The following TRAP1 variants were observed in gnomAD, a reference collection of about 807,000 sequenced individuals.
TRAP1 encodes the protein heat shock protein 75 kDa, mitochondrial.
TRAP1 carries 102 observed loss-of-function variants against 89.1 expected under a neutral mutation model. That is an observed-to-expected ratio of 1.15 (90% CI 0.98 to 1.35). The LOEUF is 1.35. Ranked by LOEUF, TRAP1 falls within the 40% of genes most tolerant of loss-of-function variation. The pLI is 0.00. For missense variants in TRAP1, 1,256 were observed against 945.3 expected (o/e 1.33, Z -4.31); for synonymous variants, 508 against 388.0 (o/e 1.31, Z -3.64).
At chr16:3,702,324 T>A (rs1263375395) in intron 1 of TRAP1, among the ~76,000 whole-genome samples, 1 of 151,312 alleles carries the variant, frequency 6.6e-6, no homozygotes, top group East Asian at 1.9e-4. Flanking sequence ...ACAGACAAGG[T>A]CCTATGCTCG....
At chr16:3,688,454 G>A (rs930270879) in intron 3 of TRAP1, among the ~76,000 whole-genome samples, 3 of 152,066 alleles carry the variant, frequency 2.0e-5, no homozygotes, top group East Asian at 1.9e-4. Context: ...CCACAGAGAC[G>A]GAATTCAGCA....
chr16:3,679,268 C>G (rs1413494611), intron 5 of TRAP1, among the ~76,000 whole-genome samples: 4 of 151,864 alleles, frequency 2.6e-5, no homozygotes, highest in Admixed American at 6.6e-5. Flanking sequence ...TCTACGGGTT[C>G]CACATTTGCA....
chr16:3,667,070 C>T (rs912294857), intron 11 of TRAP1, among the ~76,000 whole-genome samples: 6 of 152,120 alleles, frequency 3.9e-5, no homozygotes, highest in Admixed American at 3.3e-4. Flanking sequence ...GACATGCCTT[C>T]GTGCCTGGGA....
chr16:3,715,875 G>T (rs893078264), intron 1 of TRAP1, among the ~76,000 whole-genome samples: 2 of 152,108 alleles, frequency 1.3e-5, no homozygotes, highest in Non-Finnish European at 2.9e-5. Context: ...TATTATTTTT[G>T]TTGTTGAGAT....
At position 3,670,104 on chromosome 16, in the gene TRAP1, C is replaced by G. The variant is rs537925400; in HGVS notation, c.1235+1618G>C. Among the ~76,000 whole-genome samples, 22 of 151,948 alleles carry G rather than the reference C, an allele frequency of 1.4e-4. No homozygotes were observed. In the South Asian group the frequency reaches 4.4e-3, roughly 30 times the overall value. Reference sequence around the variant, plus strand: ...AATTGCATGAAAAACAAAAACAGGCCGGGCGCAGTGGCTCAAACCCGTAAT... The same window carrying G: ...AATTGCATGAAAAACAAAAACAGGCGGGGCGCAGTGGCTCAAACCCGTAAT... On this transcript the variant is annotated intron_variant, in intron 11 of 17. Transcript: ENST00000246957.
intron 1 of TRAP1, among the ~76,000 whole-genome samples, chr16:3,698,239 C>T (rs1185120133): frequency 2.6e-5 from 4 of 151,642 alleles, no homozygotes; most frequent in Admixed American, 6.6e-5. Flanking sequence ...AGTATCATAA[C>T]GCCAAGATTA....
rs763357693 is a variant in TRAP1 at position 3,691,025 on chromosome 16, G to A, written c.89-40C>T. ...ATGCAGAAAGAATGAGAATTAGGAA[G>A]ACACGAGAAACAATATGGTAATTCG... On this transcript the variant is annotated intron_variant, in intron 1 of 17. Coordinates refer to ENST00000246957, the MANE Select transcript of TRAP1 (RefSeq NM_016292.3). The A allele has an allele frequency of 4.9e-6, 7 of 1,422,618 alleles. No homozygotes were observed. The South Asian group carries it at 9.4e-5, about 19-fold the overall frequency. The allele number at this position is 1,422,618 out of a possible 1,614,324, so 88.1% of individuals were successfully genotyped here. A position where few individuals can be genotyped will look rare whatever the true frequency, so the allele number is the denominator to read the frequency against.
chr16:3,677,439 C>G, intron 6 of TRAP1, 59 bp downstream of exon 6: 1 of 1,608,102 alleles, frequency 6.2e-7, no homozygotes, highest in Non-Finnish European at 8.5e-7. Flanking sequence ...TTTCCAAACT[C>G]CATGCTAAGG....
rs149259625 is a variant in TRAP1 at position 3,712,017 on chromosome 16, G to A, written c.88+5404C>T. Among the ~76,000 whole-genome samples, 54 of 152,034 alleles carry A rather than the reference G, an allele frequency of 3.6e-4. No homozygotes were observed. The East Asian group carries it at 8.9e-3, about 25-fold the overall frequency. ...ATCAAGATTCTTTGTCAGGCCCGAC[G>A]TGGTAGCTCATGTCTGTAATCCCAG... On this transcript the variant is annotated intron_variant, in intron 1 of 17. Transcript: ENST00000246957.
chr16:3,676,133 A>T lies in TRAP1; in HGVS notation c.717T>A (p.Phe239Leu). ...YQWLSDGSGV[F>L]EIAEASGVRT... Reference sequence around the variant, plus strand: ...TAACTCCCGAAGCTTCGGCGATTTCAAACACTCCAGAACTAAGGCAGGCAA... The same window carrying T: ...TAACTCCCGAAGCTTCGGCGATTTCTAACACTCCAGAACTAAGGCAGGCAA... The change falls in exon 7 of 18, where the codon TTT (phenylalanine) becomes TTA (leucine). Residue 239 changes from phenylalanine to leucine, a missense_variant. By Grantham distance (22) the Phe-to-Leu change is conservative (BLOSUM62 0). Transcript: ENST00000246957. The T allele has an allele frequency of 6.2e-7, 1 of 1,613,810 alleles. No homozygotes were observed. The highest frequency in any genetic ancestry group is 8.5e-7 in the Non-Finnish European group (1 of 1,179,850).
At chr16:3,672,644 TG>T in intron 10 of TRAP1, 55 bp downstream of exon 10, 1 of 1,556,620 alleles carries the variant, frequency 6.4e-7, no homozygotes, top group Non-Finnish European at 8.7e-7. Context: ...CCCTCACAGA[TG>T]CAGCGGGCGA....
Position 3,677,447 on chromosome 16 carries a change from A to C in TRAP1, c.704+51T>G, listed in dbSNP as rs1444022146. ...CCATCCCTTTCCAAACTCCATGCTAAGGGCTCCAGCTCAGCTTTGAGCTGC... is the reference window on the plus strand; with the variant it reads ...CCATCCCTTTCCAAACTCCATGCTACGGGCTCCAGCTCAGCTTTGAGCTGC... On this transcript the variant is annotated intron_variant, in intron 6 of 17. Transcript: ENST00000246957. 2.5e-6 allele frequency: 4 copies of C among 1,612,274 alleles called. No homozygotes were observed. The African/African-American group carries it at 4.0e-5, about 16-fold the overall frequency.
intron 1 of TRAP1, among the ~76,000 whole-genome samples, chr16:3,716,918 C>T (rs923115067): frequency 6.6e-6 from 1 of 152,228 alleles, no homozygotes; most frequent in African/African-American, 2.4e-5. Context: ...CGGCGCCGGG[C>T]ACTGAGCGGG....
chr16:3,658,250 A>T lies in TRAP1; in HGVS notation c.2014-20T>A. ...GTATATCTGAAAGGCAAGAGGAGAA[A>T]CCCATTATGAGGGGCATGGGGCACC... On this transcript the variant is annotated intron_variant, in intron 17 of 17. Coordinates refer to ENST00000246957, the MANE Select transcript of TRAP1 (RefSeq NM_016292.3). The T allele has an allele frequency of 6.3e-7, 1 of 1,596,490 alleles. No individual in the cohort carries two copies. Among genetic ancestry groups the T allele is most frequent in the African/African-American group, 1.4e-5 (1 of 73,872 alleles).
chr16:3,698,902 AT>A (rs1294814545), intron 1 of TRAP1, among the ~76,000 whole-genome samples: 1 of 152,104 alleles, frequency 6.6e-6, no homozygotes, highest in Non-Finnish European at 1.5e-5. Context: ...AAAATTAAAA[AT>A]TAAAAAAAAA....
chr16:3,702,125 G>A (rs533598461), intron 1 of TRAP1, among the ~76,000 whole-genome samples: 2 of 149,558 alleles, frequency 1.3e-5, no homozygotes, highest in South Asian at 2.1e-4. Context: ...TCCATCTCGG[G>A]CGGGGGAAAA....
At chr16:3,698,738 C>T (rs1442727152) in intron 1 of TRAP1, among the ~76,000 whole-genome samples, 1 of 152,114 alleles carries the variant, frequency 6.6e-6, no homozygotes, top group East Asian at 1.9e-4. Context: ...AAAACCCCAT[C>T]TCTACAAAAA....
chr16:3,689,202 C>T (rs549462402), intron 2 of TRAP1, 65 bp from the exon 3 acceptor site: 31 of 1,290,036 alleles, frequency 2.4e-5, no homozygotes, highest in South Asian at 7.6e-5. Flanking sequence ...GAATACGCTA[C>T]GTCACATTCC....
rs200676278 is a variant in TRAP1 at position 3,685,975 on chromosome 16, C to A, written c.471+21G>T. On this transcript the variant is annotated intron_variant, in intron 4 of 17. Transcript: ENST00000246957. Reference sequence around the variant, plus strand: ...GCTGCATGGCCGGGCCTGCCACACGCCTGGACACTGAGGGAGGTACCTGGA... The same window carrying A: ...GCTGCATGGCCGGGCCTGCCACACGACTGGACACTGAGGGAGGTACCTGGA... 1.1e-5 allele frequency: 17 copies of A among 1,612,250 alleles called. No homozygotes were observed. In the East Asian group the frequency reaches 3.6e-4, roughly 34 times the overall value.
Sources: allele counts gnomAD v4.1 joint callset (sites outside exome capture counted in the v4.1 genomes callset), GRCh38; gene constraint gnomAD v4.1.1; transcripts MANE v1.5; gene names NCBI Gene and HGNC (gene_info 2026-07-23, HGNC 2026-07-21).